The following KCTD8 variants were observed in gnomAD, a reference collection of about 807,000 sequenced individuals.
The protein encoded by KCTD8 is BTB/POZ domain-containing protein KCTD8.
A neutral mutation model predicts 31.5 loss-of-function variants in KCTD8; 27 were observed. The observed-to-expected ratio is 0.86, with a 90% CI of 0.63 to 1.18. KCTD8 has a LOEUF of 1.18. Among genes scored for constraint, KCTD8 ranks in the 50% most tolerant of loss-of-function variants. KCTD8 has a pLI of 0.00. For synonymous variants in KCTD8, 290 were observed against 280.0 expected, an observed-to-expected ratio of 1.04 and a Z score of -0.36; for missense variants, 658 against 647.7, an observed-to-expected ratio of 1.02 and a Z score of -0.17.
intron 1 of KCTD8, among the ~76,000 whole-genome samples, chr4:44,305,014 T>C (rs1257422547): frequency 6.6e-6 from 1 of 151,406 alleles, no homozygotes; most frequent in East Asian, 1.9e-4. Flanking sequence ...ATAAACCTGG[T>C]GGGAGAAGGT....
chr4:44,291,953 C>A, intron 1 of KCTD8, among the ~76,000 whole-genome samples: 1 of 99,900 alleles, frequency 1.0e-5, no homozygotes, highest in African/African-American at 4.2e-5. Flanking sequence ...GTCAGATTGG[C>A]TATTATGAAA....
At chr4:44,387,106 A>G (rs1017331192) in intron 1 of KCTD8, among the ~76,000 whole-genome samples, 24 of 151,986 alleles carry the variant, frequency 1.6e-4, no homozygotes, top group East Asian at 1.9e-4. Flanking sequence ...CAAAATCATG[A>G]ACAAACTCTC....
chr4:44,317,518 C>T (rs1046517891), intron 1 of KCTD8, among the ~76,000 whole-genome samples: 2 of 151,822 alleles, frequency 1.3e-5, no homozygotes, highest in Admixed American at 6.6e-5. Context: ...GGATTACAGG[C>T]GTGAGCCACC....
At chr4:44,209,064 A>C (rs544477761) in intron 1 of KCTD8, among the ~76,000 whole-genome samples, 26 of 152,118 alleles carry the variant, frequency 1.7e-4, no homozygotes, top group Non-Finnish European at 3.8e-4. Context: ...CCTACTAGAA[A>C]GATTAGAACA....
At chr4:44,375,381 T>G (rs916110469) in intron 1 of KCTD8, among the ~76,000 whole-genome samples, 3 of 151,780 alleles carry the variant, frequency 2.0e-5, no homozygotes, top group African/African-American at 7.3e-5. Context: ...GAAGATAAAT[T>G]AGAAAGATAA....
chr4:44,207,660 G>A (rs1394091100), intron 1 of KCTD8, among the ~76,000 whole-genome samples: 2 of 152,296 alleles, frequency 1.3e-5, no homozygotes, highest in South Asian at 4.1e-4. Flanking sequence ...AATATGTAAA[G>A]TTAAATGTAT....
At chr4:44,425,760 C>T (rs1004443613) in intron 1 of KCTD8, among the ~76,000 whole-genome samples, 7 of 152,004 alleles carry the variant, frequency 4.6e-5, no homozygotes, top group African/African-American at 7.2e-5. Context: ...AATCTATCAA[C>T]GCAATCTATC....
intron 1 of KCTD8, among the ~76,000 whole-genome samples, chr4:44,363,265 G>A (rs1171313154): frequency 1.3e-5 from 2 of 152,102 alleles, no homozygotes; most frequent in Non-Finnish European, 2.9e-5. Context: ...CCATATCAAA[G>A]TTTTGGAACT....
intron 1 of KCTD8, among the ~76,000 whole-genome samples, chr4:44,220,848 G>A (rs1714788630): frequency 2.6e-5 from 4 of 152,092 alleles, no homozygotes. Flanking sequence ...CAGTGGAAAG[G>A]TTTATTTATT....
intron 1 of KCTD8, among the ~76,000 whole-genome samples, chr4:44,371,708 A>G (rs1295473538): frequency 6.6e-6 from 1 of 152,216 alleles, no homozygotes; most frequent in Non-Finnish European, 1.5e-5. Flanking sequence ...TCTAGTTAGT[A>G]TTATTATGAG....
chr4:44,218,084 T>C (rs772880469), intron 1 of KCTD8, among the ~76,000 whole-genome samples: 137 of 151,150 alleles, frequency 9.1e-4, no homozygotes, highest in Non-Finnish European at 1.3e-3. Flanking sequence ...CACAACAGGG[T>C]GACTATAGTC....
chr4:44,402,156 G>C (rs1055578749), intron 1 of KCTD8, among the ~76,000 whole-genome samples: 1 of 152,124 alleles, frequency 6.6e-6, no homozygotes, highest in Non-Finnish European at 1.5e-5. Flanking sequence ...AACAACAACT[G>C]AATAAAGGAC....
intron 1 of KCTD8, among the ~76,000 whole-genome samples, chr4:44,242,697 G>A (rs780412895): frequency 6.6e-6 from 1 of 152,150 alleles, no homozygotes; most frequent in Non-Finnish European, 1.5e-5. Context: ...GGGGCCTGGT[G>A]GGAGGTGATT....
chr4:44,206,398 C>A (rs1714307163), intron 1 of KCTD8, among the ~76,000 whole-genome samples: 1 of 152,146 alleles, frequency 6.6e-6, no homozygotes, highest in African/African-American at 2.4e-5. Context: ...TCCAACAGCC[C>A]CAGCCACATG....
chr4:44,176,488 T>C (rs1000188029), intron 1 of KCTD8, among the ~76,000 whole-genome samples: 2 of 152,210 alleles, frequency 1.3e-5, no homozygotes, highest in South Asian at 4.1e-4. Flanking sequence ...AATGAATTAA[T>C]AGCCAACATG....
chr4:44,241,029 C>T (rs1263878214), intron 1 of KCTD8, among the ~76,000 whole-genome samples: 1 of 152,148 alleles, frequency 6.6e-6, no homozygotes, highest in East Asian at 1.9e-4. Context: ...TGCATAACTC[C>T]CATGATACCA....
chr4:44,347,932 A>G (rs113614957), intron 1 of KCTD8, among the ~76,000 whole-genome samples: 10 of 152,298 alleles, frequency 6.6e-5, no homozygotes, highest in Admixed American at 2.6e-4. Flanking sequence ...ACAGCCTTTC[A>G]CTTGAAATAA....
At chr4:44,299,093 T>C (rs1717529303) in intron 1 of KCTD8, among the ~76,000 whole-genome samples, 1 of 152,248 alleles carries the variant, frequency 6.6e-6, no homozygotes, top group Non-Finnish European at 1.5e-5. Context: ...TTGAGTATCA[T>C]GTATCCCAAT....
chr4:44,316,915 T>C (rs543176481), intron 1 of KCTD8, among the ~76,000 whole-genome samples: 1 of 149,754 alleles, frequency 6.7e-6, no homozygotes, highest in East Asian at 2.0e-4. Flanking sequence ...GAGGCAGGGA[T>C]TGCAGTGAGC....
Sources: allele counts gnomAD v4.1 joint callset (sites outside exome capture counted in the v4.1 genomes callset), GRCh38; gene constraint gnomAD v4.1.1; transcripts MANE v1.5; gene names NCBI Gene and HGNC (gene_info 2026-07-23, HGNC 2026-07-21).